The following GNG2 variants were observed in gnomAD, a reference collection of about 807,000 sequenced individuals.
GNG2 encodes the protein G protein subunit gamma 2.
Under a neutral mutation model 5.5 loss-of-function variants are expected in GNG2, and 5 were observed. The observed-to-expected ratio is 0.91, with a 90% CI of 0.48 to 1.92. The LOEUF is 1.92. Among genes scored for constraint, GNG2 ranks in the 30% most tolerant of loss-of-function variants. The pLI, the probability that GNG2 is intolerant of heterozygous loss-of-function variation, is 0.01. For missense variants in GNG2, 55 were observed against 88.4 expected, an observed-to-expected ratio of 0.62 and a Z score of 1.52; for synonymous variants, 28 against 32.0, an observed-to-expected ratio of 0.88 and a Z score of 0.42.
At chr14:51,833,439 T>A (rs2140071933) in intron 2 of GNG2, among the ~76,000 whole-genome samples, 1 of 152,364 alleles carries the variant, frequency 6.6e-6, no homozygotes, top group East Asian at 1.9e-4. Context: ...CAACCCATTA[T>A]CTTTTCAGGA....
upstream of GNG2, among the ~76,000 whole-genome samples, chr14:51,856,078 T>C (rs1882143661): frequency 6.6e-6 from 1 of 152,034 alleles, no homozygotes; most frequent in African/African-American, 2.4e-5. Flanking sequence ...CTCGGGAAGC[T>C]GAGGCAGGAG....
chr14:51,839,633 G>C (rs776957201), intron 2 of GNG2, among the ~76,000 whole-genome samples: 1 of 152,110 alleles, frequency 6.6e-6, no homozygotes, highest in Non-Finnish European at 1.5e-5. Flanking sequence ...GGAGTTAACT[G>C]CAAAGGAGTA....
chr14:51,920,497 T>A (rs1215903612), intron 2 of GNG2, among the ~76,000 whole-genome samples: 1 of 152,104 alleles, frequency 6.6e-6, no homozygotes, highest in South Asian at 2.1e-4. Flanking sequence ...ATATTTTCAA[T>A]CTATGGTTGG....
At chr14:51,843,068 G>A (rs975117876) in intron 2 of GNG2, among the ~76,000 whole-genome samples, 5 of 152,178 alleles carry the variant, frequency 3.3e-5, no homozygotes, top group Admixed American at 6.5e-5. Context: ...GCTAAAGACC[G>A]CAGAAGAGAC....
chr14:51,914,194 A>AT (rs1886466896), intron 2 of GNG2: 1 of 702,032 alleles, frequency 1.4e-6, no homozygotes, highest in Non-Finnish European at 2.6e-6. Flanking sequence ...CACCACTCTG[A>AT]TTCTAGCTGG....
chr14:51,878,779 G>A (rs1035416843), intron 2 of GNG2, among the ~76,000 whole-genome samples: 3 of 152,178 alleles, frequency 2.0e-5, no homozygotes, highest in Admixed American at 6.5e-5. Context: ...CTGCCCTATA[G>A]TCAAGTTCTT....
chr14:51,847,596 G>T (rs1881677286), intron 2 of GNG2, among the ~76,000 whole-genome samples: 1 of 152,160 alleles, frequency 6.6e-6, no homozygotes, highest in African/African-American at 2.4e-5. Context: ...GTTAACCAGT[G>T]AGATTATCTT....
chr14:51,919,424 C>T (rs1235361499), intron 2 of GNG2, among the ~76,000 whole-genome samples: 1 of 152,216 alleles, frequency 6.6e-6, no homozygotes, highest in African/African-American at 2.4e-5. Flanking sequence ...AAATTTTGCA[C>T]ATGCCAAACA....
intron 2 of GNG2, among the ~76,000 whole-genome samples, chr14:51,944,307 A>G (rs940900678): frequency 1.3e-5 from 2 of 152,242 alleles, no homozygotes; most frequent in Non-Finnish European, 2.9e-5. Context: ...TGTCAGCATG[A>G]TAAGGTCCTG....
At chr14:51,850,834 G>T (rs1881873499) in intron 2 of GNG2, among the ~76,000 whole-genome samples, 1 of 152,122 alleles carries the variant, frequency 6.6e-6, no homozygotes, top group Non-Finnish European at 1.5e-5. Context: ...TAAGTGATCA[G>T]ATCTCCTGTG....
At chr14:51,950,605 C>T (rs1888914509) in intron 2 of GNG2, 45 bp from the exon 3 acceptor site, 2 of 1,193,018 alleles carry the variant, frequency 1.7e-6, no homozygotes, top group Non-Finnish European at 2.5e-6. Context: ...CATTTGCTGG[C>T]TCATGAATTC....
At chr14:51,834,454 G>T (rs1298779118) in intron 2 of GNG2, among the ~76,000 whole-genome samples, 1 of 152,208 alleles carries the variant, frequency 6.6e-6, no homozygotes, top group Non-Finnish European at 1.5e-5. Context: ...TTGTCGACCA[G>T]CTGGGAGACA....
chr14:51,967,011 C>CAATTA lies in GNG2; in HGVS notation c.*327_*331dup, dbSNP rs1566721551. The stretch of plus-strand genomic sequence containing the variant: ...TTCTGCTTCATATTTTGAAAAATAA[C>CAATTA]AATTAAAACAGACAGCTGTACTGAG... On this transcript the variant is annotated 3_prime_UTR_variant, in exon 4 of 4. Coordinates refer to ENST00000556766, the MANE Select transcript of GNG2 (RefSeq NM_053064.5). The CAATTA allele has an allele frequency of 6.9e-6, 1 of 145,726 alleles. No homozygotes were observed. The highest frequency in any genetic ancestry group is 1.3e-5 in the Non-Finnish European group (1 of 78,582). The allele number at this position is 145,726 out of a possible 1,614,324, so 9.0% of individuals were successfully genotyped here.
At chr14:51,831,036 A>G (rs1375976803) in intron 2 of GNG2, among the ~76,000 whole-genome samples, 1 of 152,188 alleles carries the variant, frequency 6.6e-6, no homozygotes, top group Non-Finnish European at 1.5e-5. Flanking sequence ...CCACAAATGC[A>G]CCAGGCATGC....
chr14:51,930,879 A>G (rs962421575), intron 2 of GNG2, among the ~76,000 whole-genome samples: 1 of 151,938 alleles, frequency 6.6e-6, no homozygotes, highest in East Asian at 1.9e-4. Context: ...GAGGCCCCAC[A>G]CTCTTTTAAA....
intron 2 of GNG2, among the ~76,000 whole-genome samples, chr14:51,945,334 A>G (rs1447227060): frequency 1.3e-5 from 2 of 152,236 alleles, no homozygotes; most frequent in South Asian, 2.1e-4. Context: ...TATACATACA[A>G]TGGAATATTA....
chr14:51,841,509 A>G (rs895026668), intron 2 of GNG2: 2 of 701,880 alleles, frequency 2.8e-6, no homozygotes, highest in African/African-American at 1.7e-5. Flanking sequence ...TTTACAGACA[A>G]GAATCCCAGA....
chr14:51,845,412 T>C (rs1881595979), intron 2 of GNG2, among the ~76,000 whole-genome samples: 1 of 152,224 alleles, frequency 6.6e-6, no homozygotes, highest in Non-Finnish European at 1.5e-5. Flanking sequence ...GAGGATTGAC[T>C]GAACCCAGGA....
chr14:51,828,856 G>A (rs7148855), intron 2 of GNG2, among the ~76,000 whole-genome samples: 39,370 of 152,022 alleles, frequency 0.26, 6,279 homozygotes, highest in Non-Finnish European at 0.36. Context: ...GGCTGGGGAC[G>A]GCAGAGGCTT....
Sources: allele counts gnomAD v4.1 joint callset (sites outside exome capture counted in the v4.1 genomes callset), GRCh38; gene constraint gnomAD v4.1.1; transcripts MANE v1.5; gene names NCBI Gene and HGNC (gene_info 2026-07-23, HGNC 2026-07-21).